Variants in LRRC4C observed in about 807,000 individuals in gnomAD.
LRRC4C encodes the protein leucine rich repeat containing 4C, also known as leucine-rich repeat-containing protein 4C.
LRRC4C carries 5 observed loss-of-function variants against 33.6 expected under a neutral mutation model. That is an observed-to-expected ratio of 0.15 (90% CI 0.08 to 0.31). The LOEUF is 0.31. Among genes scored for constraint, LRRC4C ranks in the 10% least tolerant of loss-of-function variants. LRRC4C has a pLI of 1.00. For missense variants in LRRC4C, 560 were observed against 796.7 expected, an observed-to-expected ratio of 0.70 and a Z score of 3.58; for synonymous variants, 329 against 302.0, an observed-to-expected ratio of 1.09 and a Z score of -0.93.
At chr11:41,080,477 G>A (rs1405480137) in intron 1 of LRRC4C, among the ~76,000 whole-genome samples, 4 of 150,782 alleles carry the variant, frequency 2.7e-5, no homozygotes, top group Non-Finnish European at 5.9e-5. Flanking sequence ...TCAGCCTCCT[G>A]AGTAGCTGGG....
chr11:41,173,361 A>G (rs1945059483), intron 1 of LRRC4C, among the ~76,000 whole-genome samples: 2 of 152,142 alleles, frequency 1.3e-5, no homozygotes, highest in Admixed American at 1.3e-4. Context: ...GGATCAACTT[A>G]AGTTTAAATT....
At chr11:40,361,274 A>G (rs544790327) in intron 3 of LRRC4C, among the ~76,000 whole-genome samples, 1 of 152,298 alleles carries the variant, frequency 6.6e-6, no homozygotes, top group African/African-American at 2.4e-5. Flanking sequence ...AGAAATAAAC[A>G]GCATTCAGAT....
chr11:40,990,872 G>GA (rs1247233089), intron 1 of LRRC4C, among the ~76,000 whole-genome samples: 2 of 152,014 alleles, frequency 1.3e-5, no homozygotes, highest in Non-Finnish European at 2.9e-5. Context: ...GTGATGAAAT[G>GA]TAAAAGAAGT....
chr11:41,200,688 G>A (rs1281635271), intron 1 of LRRC4C, among the ~76,000 whole-genome samples: 3 of 152,090 alleles, frequency 2.0e-5, no homozygotes, highest in Non-Finnish European at 4.4e-5. Context: ...TACCGTCATC[G>A]AGTTTATCTG....
intron 3 of LRRC4C, among the ~76,000 whole-genome samples, chr11:40,322,710 C>G (rs1945913370): frequency 6.6e-6 from 1 of 152,126 alleles, no homozygotes; most frequent in Non-Finnish European, 1.5e-5. Flanking sequence ...CTATGGGTCA[C>G]TATCCTAATT....
At chr11:40,954,577 A>G (rs193130701) in intron 1 of LRRC4C, among the ~76,000 whole-genome samples, 3 of 151,924 alleles carry the variant, frequency 2.0e-5, no homozygotes, top group Admixed American at 2.0e-4. Flanking sequence ...CCTTTTTAAA[A>G]GTTTAATTTC....
rs529340468 is a variant in LRRC4C, at chr11:40,713,740, T to G, written c.-406-65462A>C. Among the ~76,000 whole-genome samples the G allele has an allele frequency of 2.6e-5, 4 of 152,324 alleles. No individual in the cohort carries two copies. In the South Asian group the frequency reaches 8.3e-4, roughly 32 times the overall value. On this transcript the variant is annotated intron_variant, in intron 2 of 6. Coordinates refer to ENST00000528697, the MANE Select transcript of LRRC4C (RefSeq NM_001258419.2). Reference sequence around the variant, plus strand: ...TGATATAAATCTGTCTTTAATTATATCTGTATTTTCAAATCTCAAAGCTTT... The same window carrying G: ...TGATATAAATCTGTCTTTAATTATAGCTGTATTTTCAAATCTCAAAGCTTT...
chr11:40,964,747 CA>C (rs1285398917), intron 1 of LRRC4C, among the ~76,000 whole-genome samples: 1 of 151,896 alleles, frequency 6.6e-6, no homozygotes, highest in Non-Finnish European at 1.5e-5. Context: ...ATATGTGCCA[CA>C]TTTTCTTAAT....
At chr11:41,000,124 T>C (rs1458943168) in intron 1 of LRRC4C, among the ~76,000 whole-genome samples, 1 of 152,188 alleles carries the variant, frequency 6.6e-6, no homozygotes, top group African/African-American at 2.4e-5. Flanking sequence ...CATGCCTCGC[T>C]CATCATCAGA....
At chr11:40,921,910 C>T (rs138517375) in intron 2 of LRRC4C, among the ~76,000 whole-genome samples, 223 of 152,266 alleles carry the variant, frequency 1.5e-3, no homozygotes, top group African/African-American at 5.0e-3. Context: ...ATAAACCACA[C>T]TTGAATTTTT....
chr11:41,154,710 GA>G (rs1944149107), intron 1 of LRRC4C, among the ~76,000 whole-genome samples: 1 of 152,118 alleles, frequency 6.6e-6, no homozygotes, highest in African/African-American at 2.4e-5. Context: ...TGGCAAGAAA[GA>G]AGACAGCCAT....
chr11:41,403,282 C>T (rs1340526268), intron 1 of LRRC4C, among the ~76,000 whole-genome samples: 1 of 152,084 alleles, frequency 6.6e-6, no homozygotes, highest in Non-Finnish European at 1.5e-5. Context: ...TATTAAAACA[C>T]TGCACCTCAG....
At chr11:41,088,714 G>A (rs1423505893) in intron 1 of LRRC4C, among the ~76,000 whole-genome samples, 1 of 151,986 alleles carries the variant, frequency 6.6e-6, no homozygotes, top group Non-Finnish European at 1.5e-5. Context: ...TTACCCCAAA[G>A]TTTAAATAAG....
intron 1 of LRRC4C, among the ~76,000 whole-genome samples, chr11:41,345,926 G>C (rs921034978): frequency 6.6e-6 from 1 of 152,158 alleles, no homozygotes; most frequent in African/African-American, 2.4e-5. Flanking sequence ...ATTAAAAAAT[G>C]AAGAGTGAGC....
chr11:40,835,247 A>G (rs1952618121), intron 2 of LRRC4C, among the ~76,000 whole-genome samples: 1 of 152,204 alleles, frequency 6.6e-6, no homozygotes, highest in Non-Finnish European at 1.5e-5. Flanking sequence ...ATATAAAAAA[A>G]GAGTTACTAA....
rs542266943 is a variant in LRRC4C at position 40,561,145 on chromosome 11, C to G, written c.-270+86997G>C. Among the ~76,000 whole-genome samples the G allele has an allele frequency of 2.0e-5, 3 of 152,226 alleles. No homozygotes were observed. The East Asian group carries it at 5.8e-4, about 30-fold the overall frequency. On this transcript the variant is annotated intron_variant, in intron 3 of 6. Transcript: ENST00000528697. ...TCTTCCTTCTGCGTTCCCCGGGTTG[C>G]TCAGCACAATGCTAATCACATAACA...
chr11:40,891,538 G>A (rs1410907206), intron 2 of LRRC4C, among the ~76,000 whole-genome samples: 2 of 151,948 alleles, frequency 1.3e-5, no homozygotes, highest in African/African-American at 4.8e-5. Context: ...TCTATAATGA[G>A]CCCAAATAAC....
intron 1 of LRRC4C, among the ~76,000 whole-genome samples, chr11:41,400,538 G>A (rs1440812823): frequency 6.6e-6 from 1 of 151,396 alleles, no homozygotes; most frequent in African/African-American, 2.4e-5. Context: ...ATGGGGAGAA[G>A]AAGACTTCAG....
chr11:40,514,527 C>T (rs550320029), intron 3 of LRRC4C, among the ~76,000 whole-genome samples: 2 of 151,996 alleles, frequency 1.3e-5, no homozygotes, highest in South Asian at 2.1e-4. Context: ...AATAGAGTAA[C>T]GGGCATGTAG....
Sources: allele counts gnomAD v4.1 joint callset (sites outside exome capture counted in the v4.1 genomes callset), GRCh38; gene constraint gnomAD v4.1.1; transcripts MANE v1.5; gene names NCBI Gene and HGNC (gene_info 2026-07-23, HGNC 2026-07-21).